The following ADARB2 variants were observed in gnomAD, a reference collection of about 807,000 sequenced individuals.
The protein encoded by ADARB2 is inactive double-stranded RNA-specific editase B2.
In ADARB2, 25 loss-of-function variants were observed where a neutral mutation model predicts 62.2. The observed-to-expected ratio is 0.40, with a 90% CI of 0.29 to 0.56. The LOEUF (loss-of-function observed/expected upper bound fraction) is 0.56. ADARB2 is among the 20% of genes least tolerant of loss of function. The pLI, the probability that ADARB2 is intolerant of heterozygous loss-of-function variation, is 0.43. For missense variants in ADARB2, 1,071 were observed against 1,077.4 expected (o/e 0.99, Z 0.08); for synonymous variants, 572 against 500.8 (o/e 1.14, Z -1.90).
chr10:1,343,440 C>T (rs1034573900), intron 3 of ADARB2, among the ~76,000 whole-genome samples: 3 of 152,300 alleles, frequency 2.0e-5, no homozygotes, highest in South Asian at 2.1e-4. Context: ...TAGATTAGCT[C>T]GGCCATTGTG....
intron 1 of ADARB2, 99 bp downstream of exon 1, chr10:1,736,952 G>T: frequency 1.6e-6 from 2 of 1,248,290 alleles, no homozygotes; most frequent in Non-Finnish European, 2.3e-6. Context: ...CCAAAGTGAA[G>T]CTGCTCACAA....
chr10:1,183,109 C>T lies in ADARB2; in HGVS notation c.*84G>A. ...ACCAAAGTAAAACGAATGCAGGGAA[C>T]CGGCCGACCCGCCACGTCGCCCCCC... On this transcript the variant is annotated 3_prime_UTR_variant, in exon 10 of 10. Transcript: ENST00000381312. 6.7e-7 allele frequency: 1 copy of T among 1,487,714 alleles called. No individual in the cohort carries two copies. Among genetic ancestry groups the T allele is most frequent in the East Asian group, 2.3e-5 (1 of 43,044 alleles). The allele number at this position is 1,487,714 out of a possible 1,614,324, so 92.2% of individuals were successfully genotyped here.
intron 1 of ADARB2, among the ~76,000 whole-genome samples, chr10:1,697,757 G>C (rs1272275447): frequency 6.6e-6 from 1 of 152,144 alleles, no homozygotes; most frequent in Non-Finnish European, 1.5e-5. Context: ...TGGGGCCCGT[G>C]ACCTGAGCAC....
chr10:1,290,855 G>A (rs1345629516), intron 3 of ADARB2: 2 of 152,140 alleles, frequency 1.3e-5, no homozygotes, highest in Non-Finnish European at 2.9e-5. Flanking sequence ...AACCACATTG[G>A]GAAGATGCAT....
At chr10:1,260,767 A>G in intron 4 of ADARB2, among the ~76,000 whole-genome samples, 1 of 128,106 alleles carries the variant, frequency 7.8e-6, no homozygotes, top group African/African-American at 2.7e-5. Flanking sequence ...CCATCAAGCT[A>G]CCAATGACTT....
Position 1,398,269 on chromosome 10 carries a change from T to C in ADARB2, c.101-19109A>G, listed in dbSNP as rs563048453. On this transcript the variant is annotated intron_variant, in intron 1 of 9. Transcript: ENST00000381312. The surrounding 1 kb of genome is among the most constrained non-coding windows in gnomAD (Gnocchi z 4.1). ...CACCGTCCGTCTCTCCCCTCCCGAG[T>C]GCAGGCTTCCTGGGGCAGGGCTTCG... 3.3e-4 allele frequency among the ~76,000 whole-genome samples: 50 copies of C among 152,200 alleles called. No individual in the cohort carries two copies. Among genetic ancestry groups the C allele is most frequent in the Admixed American group, 7.8e-4 (12 of 15,296 alleles).
chr10:1,533,957 C>T (rs1206587036), intron 1 of ADARB2, among the ~76,000 whole-genome samples: 1 of 151,030 alleles, frequency 6.6e-6, no homozygotes. Context: ...ATTATCAAAA[C>T]CATAATTACA....
intron 1 of ADARB2, among the ~76,000 whole-genome samples, chr10:1,526,214 C>CAGGTGAGGT (rs1832139679): frequency 6.7e-6 from 1 of 149,488 alleles, no homozygotes; most frequent in African/African-American, 2.5e-5. Context: ...TGGCCTGGGG[C>CAGGTGAGGT]AGGTGGGGTA....
chr10:1,590,315 A>G lies in ADARB2; in HGVS notation c.100+146736T>C, dbSNP rs557574713. Among the ~76,000 whole-genome samples the G allele has an allele frequency of 7.2e-5, 11 of 152,350 alleles. No individual in the cohort carries two copies. The East Asian group carries it at 2.1e-3, about 29-fold the overall frequency. ...ATACCAGGAATTCAGGTTTTAATTA[A>G]GCATGGGTGAATCAGGCTCAAGATA... is the stretch of plus-strand genomic sequence containing the variant. On this transcript the variant is annotated intron_variant, in intron 1 of 9. Coordinates refer to ENST00000381312, the MANE Select transcript of ADARB2 (RefSeq NM_018702.4).
At chr10:1,612,708 C>A (rs1833587223) in intron 1 of ADARB2, among the ~76,000 whole-genome samples, 1 of 152,204 alleles carries the variant, frequency 6.6e-6, no homozygotes, top group African/African-American at 2.4e-5. Flanking sequence ...GAGCTGGATC[C>A]AGCCAGCAGC....
intron 1 of ADARB2, among the ~76,000 whole-genome samples, chr10:1,459,024 T>G (rs1167308578): frequency 1.3e-5 from 2 of 152,116 alleles, no homozygotes; most frequent in Non-Finnish European, 2.9e-5. Flanking sequence ...TGGCTATTAT[T>G]AAAAAGTCAA....
At chr10:1,496,609 A>G (rs746565926) in intron 1 of ADARB2, among the ~76,000 whole-genome samples, 5 of 151,912 alleles carry the variant, frequency 3.3e-5, no homozygotes, top group Non-Finnish European at 7.4e-5. Flanking sequence ...TCAATCTACC[A>G]TTATCATCAT....
intron 1 of ADARB2, among the ~76,000 whole-genome samples, chr10:1,496,492 C>T (rs1215304839): frequency 1.3e-5 from 2 of 152,010 alleles, no homozygotes; most frequent in African/African-American, 4.8e-5. Context: ...TCATCACCAT[C>T]ACCATATCAT....
At chr10:1,530,035 C>T (rs1360705593) in intron 1 of ADARB2, among the ~76,000 whole-genome samples, 3 of 148,656 alleles carry the variant, frequency 2.0e-5, no homozygotes, top group Admixed American at 6.7e-5. Context: ...CTGTCCACTA[C>T]CTCATGCCAC....
At chr10:1,362,456 G>A (rs1228447308) in intron 3 of ADARB2, among the ~76,000 whole-genome samples, 20 of 152,244 alleles carry the variant, frequency 1.3e-4, no homozygotes, top group Admixed American at 1.3e-3. Flanking sequence ...TGGAGTGAGT[G>A]AAGGTAATCG....
intron 7 of ADARB2, among the ~76,000 whole-genome samples, chr10:1,201,815 A>C (rs1253550466): frequency 4.0e-5 from 4 of 99,656 alleles, no homozygotes; most frequent in Admixed American, 1.2e-4. Flanking sequence ...GTCTGCCTGG[A>C]TCTCGGATGG....
intron 1 of ADARB2, among the ~76,000 whole-genome samples, chr10:1,653,146 C>A (rs1315692211): frequency 6.6e-6 from 1 of 152,196 alleles, no homozygotes; most frequent in Non-Finnish European, 1.5e-5. Context: ...ACGGAGGTGA[C>A]TTGCACGAGG....
At chr10:1,271,460 C>T (rs1831261975) in intron 3 of ADARB2, among the ~76,000 whole-genome samples, 1 of 152,212 alleles carries the variant, frequency 6.6e-6, no homozygotes, top group Non-Finnish European at 1.5e-5. Context: ...ATTCCAGAGC[C>T]AGTGTCTACA....
chr10:1,319,734 G>A (rs780308602), intron 3 of ADARB2, among the ~76,000 whole-genome samples: 5 of 152,148 alleles, frequency 3.3e-5, no homozygotes, highest in African/African-American at 4.8e-5. Context: ...TGCCCTGTCC[G>A]AGTACCTACC....
Sources: allele counts gnomAD v4.1 joint callset (sites outside exome capture counted in the v4.1 genomes callset), GRCh38; gene constraint gnomAD v4.1.1; non-coding constraint Gnocchi (gnomAD v3.1); transcripts MANE v1.5; gene names NCBI Gene and HGNC (gene_info 2026-07-23, HGNC 2026-07-21).